ANKHD1: variants seen among roughly 807,000 people sequenced by gnomAD.
The protein encoded by ANKHD1 is ankyrin repeat and KH domain containing 1.
ANKHD1 carries 31 observed loss-of-function variants against 230.5 expected under a neutral mutation model. The ratio of observed to expected loss-of-function variants is 0.13; its 90% CI spans 0.10 to 0.18. ANKHD1 has a LOEUF of 0.18. ANKHD1 is among the 10% of genes least tolerant of loss of function. The pLI is 1.00. For missense variants in ANKHD1, 2,256 were observed against 3,071.3 expected, an observed-to-expected ratio of 0.73 and a Z score of 6.27; for synonymous variants, 1,074 against 1,117.6, an observed-to-expected ratio of 0.96 and a Z score of 0.78.
At chr5:140,486,790 G>A in intron 13 of ANKHD1, 168 bp from the exon 14 acceptor site, 1 of 522,158 alleles carries the variant, frequency 1.9e-6, no homozygotes. Flanking sequence ...CTAATCATTA[G>A]TCTCAAAAAT....
At chr5:140,417,636 A>G (rs1383263068) in intron 1 of ANKHD1, among the ~76,000 whole-genome samples, 1 of 151,738 alleles carries the variant, frequency 6.6e-6, no homozygotes, top group African/African-American at 2.4e-5. Flanking sequence ...TTTTTTGTAG[A>G]GATGGGCTTT....
At position 140,504,804 on chromosome 5, in the gene ANKHD1, T is replaced by C. The variant is rs1300471053; in HGVS notation, c.3005-17T>C. Reference sequence around the variant, plus strand: ...CTCTTTTAAGTGGAATTTAGCAATATGAATATTGTTTTTCAGCTGTGAGTA... The same window carrying C: ...CTCTTTTAAGTGGAATTTAGCAATACGAATATTGTTTTTCAGCTGTGAGTA... On this transcript the variant is annotated splice_polypyrimidine_tract_variant and intron_variant, in intron 15 of 33. Transcript: ENST00000360839. 1 of 1,603,552 alleles carries C rather than the reference T, an allele frequency of 6.2e-7. No homozygotes were observed. Among genetic ancestry groups the C allele is most frequent in the South Asian group, 1.1e-5 (1 of 88,518 alleles).
Position 140,528,640 on chromosome 5 carries a change from T to C in ANKHD1, c.5694T>C (p.Pro1898=). The change falls in exon 29 of 34, where the codon CCT becomes CCC. Residue 1898 remains proline, a synonymous_variant. Coordinates refer to ENST00000360839, the MANE Select transcript of ANKHD1 (RefSeq NM_017747.3). ...WGPFPVRPVN[P]GNTNSSPKHN... The stretch of plus-strand genomic sequence containing the variant: ...CATTCCCAGTGAGACCTGTGAATCC[T>C]GGCAACACAAATAGCTCTCCAAAGC... 6.2e-7 allele frequency: 1 copy of C among 1,614,180 alleles called. No homozygotes were observed. Among genetic ancestry groups the C allele is most frequent in the Non-Finnish European group, 8.5e-7 (1 of 1,180,036 alleles).
In ANKHD1 at chr5:140,438,574, C is replaced by A; in HGVS notation, c.574C>A (p.Arg192=). 1 of 1,611,316 alleles carries A rather than the reference C, an allele frequency of 6.2e-7. No individual in the cohort carries two copies. Residue 192 remains arginine (R), a synonymous_variant, in exon 3 of 34, where the codon CGG becomes AGG. Coordinates refer to ENST00000360839, the MANE Select transcript of ANKHD1 (RefSeq NM_017747.3). ...GGATGAAGCTGCTGCTGCACTGACA[C>A]GGATGAAAGCAGAAAACAGCCACAA... ...ALDEAAAALT[R]MKAENSHNAG...
chr5:140,474,785 A>G (rs1285761478), intron 10 of ANKHD1, among the ~76,000 whole-genome samples: 6 of 151,680 alleles, frequency 4.0e-5, no homozygotes, highest in Admixed American at 2.0e-4. Flanking sequence ...TTTTTCAGAG[A>G]CAAAGTCTTG....
At chr5:140,420,837 G>T (rs1212973844) in intron 1 of ANKHD1, among the ~76,000 whole-genome samples, 1 of 152,058 alleles carries the variant, frequency 6.6e-6, no homozygotes, top group East Asian at 1.9e-4. Context: ...TTATATTCTT[G>T]TTCTCTTGAT....
intron 10 of ANKHD1, among the ~76,000 whole-genome samples, chr5:140,480,624 A>G (rs148081986): frequency 3.0e-4 from 46 of 152,198 alleles, no homozygotes; most frequent in African/African-American, 9.9e-4. Flanking sequence ...CAGATAATCA[A>G]TGTCTTACTC....
intron 1 of ANKHD1, among the ~76,000 whole-genome samples, chr5:140,430,404 A>G (rs958403162): frequency 6.6e-6 from 1 of 152,228 alleles, no homozygotes; most frequent in African/African-American, 2.4e-5. Flanking sequence ...TGAGCTATGT[A>G]ACAGTATCAT....
chr5:140,415,143 G>C (rs953770993), intron 1 of ANKHD1, among the ~76,000 whole-genome samples: 4 of 151,956 alleles, frequency 2.6e-5, no homozygotes, highest in Admixed American at 6.6e-5. Flanking sequence ...CAGCGCTTTG[G>C]GGGGCCGAGG....
At chr5:140,493,753 G>T (rs190815988) in intron 14 of ANKHD1, among the ~76,000 whole-genome samples, 2 of 152,026 alleles carry the variant, frequency 1.3e-5, no homozygotes, top group East Asian at 3.9e-4. Flanking sequence ...TGCTACATAC[G>T]TTCTGGGCTT....
chr5:140,445,781 T>C lies in ANKHD1; in HGVS notation c.953T>C (p.Val318Ala), dbSNP rs1488156726. The C allele has an allele frequency of 6.2e-7, 1 of 1,612,106 alleles. No homozygotes were observed. The highest frequency in any genetic ancestry group is 1.7e-5 in the Admixed American group (1 of 59,884). Residue 318 changes from valine to alanine, a missense_variant, in exon 6 of 34, where the codon GTT becomes GCT. Transcript: ENST00000360839. Reference sequence around the variant, plus strand: ...ACTTATGCATGTGCTGGAGGATTTGTTGACATTGTTAAAGTGCTCCTTAAT... The same window carrying C: ...ACTTATGCATGTGCTGGAGGATTTGCTGACATTGTTAAAGTGCTCCTTAAT... ...ALTYACAGGFVDIVKVLLNEG... is the reference protein window; with the variant it reads ...ALTYACAGGFADIVKVLLNEG...
chr5:140,476,453 CAG>C (rs1459301062), intron 10 of ANKHD1, among the ~76,000 whole-genome samples: 1 of 151,758 alleles, frequency 6.6e-6, no homozygotes, highest in Non-Finnish European at 1.5e-5. Context: ...TAAAAGCTAT[CAG>C]AGGAAAAAAA....
intron 1 of ANKHD1, among the ~76,000 whole-genome samples, chr5:140,409,645 TG>T (rs1371378845): frequency 6.5e-4 from 98 of 151,708 alleles, no homozygotes; most frequent in Admixed American, 1.8e-3. Flanking sequence ...CTCCACCTCC[TG>T]GGTTCAAGTG....
chr5:140,440,227 G>T lies in ANKHD1; in HGVS notation c.726G>T (p.Leu242=), dbSNP rs150943532. The T allele has an allele frequency of 1.3e-3, 2,152 of 1,613,340 alleles. 3 individuals carry two copies. The highest frequency in any genetic ancestry group is 2.0e-3 in the Middle Eastern group (12 of 6,056). Residue 242 remains leucine (L), a synonymous_variant, in exon 4 of 34, where the codon CTG becomes CTT. Transcript: ENST00000360839. ...NEHTEEGESL[L]CLACSAGYYE... ...ATACAGAAGAAGGAGAAAGCCTGCT[G>T]TGTTTGGCTTGTTCAGCAGGGTATT...
intron 10 of ANKHD1, among the ~76,000 whole-genome samples, chr5:140,480,607 T>A (rs1581318395): frequency 6.6e-6 from 1 of 152,102 alleles, no homozygotes; most frequent in South Asian, 2.1e-4. Flanking sequence ...TAATAACATA[T>A]CAGTTGCAGA....
intron 3 of ANKHD1, 49 bp from the exon 4 acceptor site, chr5:140,440,070 C>T: frequency 1.3e-6 from 2 of 1,488,006 alleles, no homozygotes; most frequent in Non-Finnish European, 1.8e-6. Flanking sequence ...TATCATAGGA[C>T]CCCCGAGTCT....
intron 18 of ANKHD1, 105 bp downstream of exon 18, chr5:140,505,974 G>A (rs1752517102): frequency 6.7e-7 from 1 of 1,492,960 alleles, no homozygotes; most frequent in Non-Finnish European, 8.9e-7. Flanking sequence ...TGTATTTTGT[G>A]TGTTTGTTTT....
Position 140,496,690 on chromosome 5 carries a change from T to A in ANKHD1, c.2416T>A (p.Leu806Ile). The change falls in exon 15 of 34, where the codon TTA becomes ATA. Residue 806 changes from leucine (L) to isoleucine (I), a missense_variant. Around this residue, in one of 13 missense-constraint regions of ANKHD1, gnomAD observed 358 missense variants for 397.7 expected, o/e 0.90. Coordinates refer to ENST00000360839, the MANE Select transcript of ANKHD1 (RefSeq NM_017747.3). ...AAAAGCACAGCTTAAGTCACTGGAG[T>A]TAATTCAAGGTGAACCTCTGAACAA... ...IEKAQLKSLELIQGEPLNKDK... is the reference protein window; with the variant it reads ...IEKAQLKSLEIIQGEPLNKDK... The A allele has an allele frequency of 6.2e-7, 1 of 1,613,640 alleles. No homozygotes were observed.
At chr5:140,463,544 G>T (rs1453659647) in intron 9 of ANKHD1, among the ~76,000 whole-genome samples, 4 of 152,064 alleles carry the variant, frequency 2.6e-5, no homozygotes, top group Non-Finnish European at 5.9e-5. Context: ...TCAGGGCTGG[G>T]GAATATATAT....
Sources: gnomAD v4.1 joint callset for allele counts (sites outside exome capture counted in the v4.1 genomes callset) on GRCh38, gnomAD v4.1.1 for gene constraint, gnomAD v4.1.1 regional missense constraint, MANE v1.5 for transcripts, NCBI Gene and HGNC (gene_info 2026-07-23, HGNC 2026-07-21) for gene names.